Variants in PADI4 observed in about 807,000 individuals in gnomAD.
PADI4 encodes the protein protein-arginine deiminase type-4.
PADI4 carries 62 observed loss-of-function variants against 75.0 expected under a neutral mutation model. That is an observed-to-expected ratio of 0.83 (90% confidence interval 0.67 to 1.02). PADI4 has a LOEUF of 1.02. PADI4 is among the 50% of genes least tolerant of loss of function. PADI4 has a pLI of 0.00. For missense variants in PADI4, 845 were observed against 850.5 expected, an observed-to-expected ratio of 0.99 and a Z score of 0.08; for synonymous variants, 361 against 348.1, an observed-to-expected ratio of 1.04 and a Z score of -0.41.
chr1:17,310,280 A>G (rs1251702520), intron 1 of PADI4, among the ~76,000 whole-genome samples: 1 of 152,190 alleles, frequency 6.6e-6, no homozygotes, highest in African/African-American at 2.4e-5. Context: ...CACACAGCTA[A>G]TAAGTAGGGG....
intron 11 of PADI4, 123 bp downstream of exon 11, chr1:17,354,810 G>C: frequency 1.1e-6 from 1 of 945,548 alleles, no homozygotes; most frequent in Non-Finnish European, 1.5e-6. Flanking sequence ...ACTTGAGGGA[G>C]TGTGAGAGGA....
At chr1:17,340,383 GGAGT>G (rs1350660003) in intron 6 of PADI4, among the ~76,000 whole-genome samples, 1 of 152,142 alleles carries the variant, frequency 6.6e-6, no homozygotes, top group Non-Finnish European at 1.5e-5. Context: ...AAGGGGATGT[GGAGT>G]GAGGAGTGGA....
At chr1:17,363,073 T>A (rs1161138693) in intron 15 of PADI4, among the ~76,000 whole-genome samples, 3 of 152,124 alleles carry the variant, frequency 2.0e-5, no homozygotes, top group Non-Finnish European at 4.4e-5. Flanking sequence ...CGCCTAGGCC[T>A]CCCAAAGTGC....
At chr1:17,351,212 A>C (rs2074612971) in intron 10 of PADI4, among the ~76,000 whole-genome samples, 2 of 151,032 alleles carry the variant, frequency 1.3e-5, no homozygotes, top group Admixed American at 1.3e-4. Flanking sequence ...AAAAAAAAAA[A>C]AAAAAAAAGA....
In PADI4 at chr1:17,359,266, G is replaced by A; in HGVS notation, c.1630-14G>A. 1.8e-6 allele frequency: 2 copies of A among 1,104,530 alleles called. No individual in the cohort carries two copies. The highest frequency in any genetic ancestry group is 1.1e-6 in the Non-Finnish European group (1 of 870,674). 68.4% of individuals were successfully genotyped at this position (1,104,530 alleles called of 1,614,324 possible). A position where few individuals can be genotyped will look rare whatever the true frequency, so the allele number is the denominator to read the frequency against. Reference sequence around the variant, plus strand: ...CATCAGTCCCCCACTCACTGCCCCTGCCCCTTCCCCAAGAGATGCATCGAC... The same window carrying A: ...CATCAGTCCCCCACTCACTGCCCCTACCCCTTCCCCAAGAGATGCATCGAC... On this transcript the variant is annotated splice_polypyrimidine_tract_variant and intron_variant, in intron 14 of 15. Transcript: ENST00000375448.
Position 17,308,251 on chromosome 1 carries a change from C to A in PADI4, c.29C>A (p.Thr10Asn), listed in dbSNP as rs201885629. The A allele has an allele frequency of 6.2e-6, 10 of 1,614,132 alleles. No individual in the cohort carries two copies. The East Asian group carries it at 1.8e-4, about 29-fold the overall frequency. MAQGTLIRV[T>N]PEQPTHAVCV... ...GCCCAGGGGACATTGATCCGTGTGACCCCAGAGCAGCCCACCCATGCCGTG... is the reference window on the plus strand; with the variant it reads ...GCCCAGGGGACATTGATCCGTGTGAACCCAGAGCAGCCCACCCATGCCGTG... Residue 10 changes from threonine (T) to asparagine (N), a missense_variant, in exon 1 of 16, where the codon ACC becomes AAC. Physicochemically the swap from Thr to Asn is moderately conservative, Grantham distance 65. Transcript: ENST00000375448.
chr1:17,310,484 C>G (rs1304670813), intron 1 of PADI4, among the ~76,000 whole-genome samples: 1 of 152,212 alleles, frequency 6.6e-6, no homozygotes, highest in Non-Finnish European at 1.5e-5. Flanking sequence ...CTCACCTCCG[C>G]CCCTCATATT....
intron 1 of PADI4, among the ~76,000 whole-genome samples, chr1:17,327,546 CT>C (rs896435072): frequency 1.8e-3 from 252 of 142,874 alleles, no homozygotes; most frequent in Middle Eastern, 7.3e-3. Context: ...TGATTATTTA[CT>C]TTTTTTTTTT....
At chr1:17,358,053 G>A (rs2074791010) in intron 13 of PADI4, among the ~76,000 whole-genome samples, 1 of 151,784 alleles carries the variant, frequency 6.6e-6, no homozygotes. Flanking sequence ...TTTGAGACCA[G>A]CCTGGCCAAC....
chr1:17,334,307 A>ATTTTTT, intron 3 of PADI4: 2 of 343,000 alleles, frequency 5.8e-6, no homozygotes, highest in Non-Finnish European at 1.2e-5. Context: ...ATCTCCATTA[A>ATTTTTT]TTTTTTTTTT....
chr1:17,308,234 G>GTC lies in PADI4; in HGVS notation c.12_13insTC (p.Thr5SerfsTer3). On this transcript the variant is annotated frameshift_variant, in exon 1 of 16. Transcript: ENST00000375448. LOFTEE classifies it high-confidence loss of function. ...GAGCTAGCCCGACGATGGCCCAGGG[G>GTC]ACATTGATCCGTGTGACCCCAGAGC... 1.2e-6 allele frequency: 2 copies of GTC among 1,614,076 alleles called. No homozygotes were observed. The highest frequency in any genetic ancestry group is 1.7e-6 in the Non-Finnish European group (2 of 1,179,996).
In PADI4 at chr1:17,342,075, C is replaced by CG. The variant is rs1557564854; in HGVS notation, c.789dup (p.Leu264AlafsTer52). The CG allele has an allele frequency of 2.5e-6, 4 of 1,613,982 alleles. No homozygotes were observed. The Admixed American group carries it at 6.7e-5, about 27-fold the overall frequency. ...CTCGCTTTCCCGGACACCGACTTCC[C>CG]GGGGCTCATTACCCTCACCATCTCC... is the stretch of plus-strand genomic sequence containing the variant. On this transcript the variant is annotated frameshift_variant, in exon 7 of 16. Transcript: ENST00000375448. LOFTEE classifies it high-confidence loss of function.
intron 8 of PADI4, among the ~76,000 whole-genome samples, chr1:17,343,344 A>G (rs1296318308): frequency 6.6e-6 from 1 of 152,192 alleles, no homozygotes; most frequent in African/African-American, 2.4e-5. Flanking sequence ...ATCTTCCTGC[A>G]GTCTGAGAGC....
chr1:17,340,203 T>C (rs1028555643), intron 6 of PADI4, among the ~76,000 whole-genome samples: 3 of 152,094 alleles, frequency 2.0e-5, no homozygotes, highest in African/African-American at 7.2e-5. Flanking sequence ...TGCAACTAAG[T>C]AGGTGCCAGG....
chr1:17,362,726 G>A (rs1432317490), intron 15 of PADI4, among the ~76,000 whole-genome samples: 1 of 152,184 alleles, frequency 6.6e-6, no homozygotes, highest in Non-Finnish European at 1.5e-5. Context: ...GGAACTTGGA[G>A]TCTAATAGCT....
chr1:17,334,748 C>G (rs529399945), intron 3 of PADI4: 3 of 390,544 alleles, frequency 7.7e-6, no homozygotes, highest in African/African-American at 6.3e-5. Flanking sequence ...TCCACCTATA[C>G]TCATATTTAT....
At chr1:17,344,380 G>A (rs1291361649) in intron 8 of PADI4, among the ~76,000 whole-genome samples, 6 of 152,196 alleles carry the variant, frequency 3.9e-5, no homozygotes, top group Admixed American at 3.3e-4. Context: ...CAATCGAAAA[G>A]AAAATCTCAT....
In PADI4 at chr1:17,356,308, G is replaced by C. The variant is rs935353695; in HGVS notation, c.1456-49G>C. ...CCCTCAGCAGATCCACCCTCGTTGG[G>C]AGCTCCAGGGGCAAAGCTGACTTCT... On this transcript the variant is annotated intron_variant, in intron 12 of 15. Coordinates refer to ENST00000375448, the MANE Select transcript of PADI4 (RefSeq NM_012387.3). This position sits in a 1 kb window ranked among gnomAD's most constrained non-coding sequence, Gnocchi z 4.1. The C allele has an allele frequency of 6.4e-6, 9 of 1,408,154 alleles. No homozygotes were observed. The highest frequency in any genetic ancestry group is 8.8e-6 in the Non-Finnish European group (9 of 1,025,578). The allele number at this position is 1,408,154 out of a possible 1,614,324, so 87.2% of individuals were successfully genotyped here.
At position 17,355,889 on chromosome 1, in the gene PADI4, G is replaced by A. The variant is rs2074750595; in HGVS notation, c.1311-94G>A. The A allele has an allele frequency of 6.0e-5, 77 of 1,272,770 alleles. 1 individual carries two copies. The South Asian group carries it at 8.9e-4, about 15-fold the overall frequency. 78.8% of individuals were successfully genotyped at this position (1,272,770 alleles called of 1,614,324 possible). ...TCCTGCATCCCTTTCTCAGCTGAAG[G>A]AGAACCCTGACCTTTTTGCCAAGCC... is the stretch of plus-strand genomic sequence containing the variant. On this transcript the variant is annotated intron_variant, in intron 11 of 15. Coordinates refer to ENST00000375448, the MANE Select transcript of PADI4 (RefSeq NM_012387.3).
Sources: gnomAD v4.1 joint callset for allele counts (sites outside exome capture counted in the v4.1 genomes callset) on GRCh38, gnomAD v4.1.1 for gene constraint, Gnocchi (gnomAD v3.1) non-coding constraint, MANE v1.5 for transcripts, NCBI Gene and HGNC (gene_info 2026-07-23, HGNC 2026-07-21) for gene names.